The following PRDX3 variants were observed in gnomAD, a reference collection of about 807,000 sequenced individuals.
The protein encoded by PRDX3 is peroxiredoxin 3.
A neutral mutation model predicts 30.4 loss-of-function variants in PRDX3; 20 were observed. The observed-to-expected ratio is 0.66, with a 90% CI of 0.46 to 0.96. The LOEUF is 0.96. Ranked by LOEUF, PRDX3 falls within the 40% of genes least tolerant of loss-of-function variation. The pLI, the probability that PRDX3 is intolerant of heterozygous loss-of-function variation, is 0.00. For synonymous variants in PRDX3, 124 were observed against 117.8 expected (o/e 1.05, Z -0.34); for missense variants, 322 against 318.3 (o/e 1.01, Z -0.09).
chr10:119,174,535 G>C lies in PRDX3; in HGVS notation c.227C>G (p.Ala76Gly). The C allele has an allele frequency of 6.2e-7, 1 of 1,612,020 alleles. No individual in the cohort carries two copies. The highest frequency in any genetic ancestry group is 8.5e-7 in the Non-Finnish European group (1 of 1,179,440). The change falls in exon 3 of 7, where the codon GCC (alanine) becomes GGC (glycine). Residue 76 changes from alanine (A) to glycine (G), a missense_variant. Physicochemically the swap from Ala to Gly is moderately conservative, Grantham distance 60. Coordinates refer to ENST00000298510, the MANE Select transcript of PRDX3 (RefSeq NM_006793.5). ...GTCTTTGAACTCTCCATTGACAACG[G>C]CTGTACCCTTAAAATAGGGTGCATG... ...TQHAPYFKGT[A>G]VVNGEFKDLS...
intron 5 of PRDX3, chr10:119,169,855 A>G (rs1441918892): frequency 6.5e-6 from 1 of 152,708 alleles, no homozygotes; most frequent in Non-Finnish European, 1.5e-5. Context: ...TGCAAAACAG[A>G]AAACCATGCC....
intron 5 of PRDX3, among the ~76,000 whole-genome samples, chr10:119,171,181 C>CGT (rs1323286344): frequency 6.6e-6 from 1 of 152,014 alleles, no homozygotes; most frequent in Admixed American, 6.5e-5. Flanking sequence ...GCTGGGACTA[C>CGT]AGGCGCCCAC....
In PRDX3 at chr10:119,171,902, A is replaced by T. The variant is rs560102121; in HGVS notation, c.551+480T>A. Among the ~76,000 whole-genome samples, 3 of 152,276 alleles carry T rather than the reference A, an allele frequency of 2.0e-5. No homozygotes were observed. In the South Asian group the frequency reaches 6.2e-4, roughly 32 times the overall value. ...ACCCTGCTAGTCCCCCCTTCTGCAG[A>T]GTCTGATGGCTTCAATGTCAGGTGT... On this transcript the variant is annotated intron_variant, in intron 5 of 6. Transcript: ENST00000298510.
intron 4 of PRDX3, among the ~76,000 whole-genome samples, chr10:119,173,274 A>T (rs528086878): frequency 6.6e-6 from 1 of 152,122 alleles, no homozygotes; most frequent in South Asian, 2.1e-4. Flanking sequence ...TTTAAAGGCT[A>T]ATTTTCTCAA....
intron 4 of PRDX3, among the ~76,000 whole-genome samples, chr10:119,172,960 A>ATGGAGTCTCGCTCTGTCGCCCAGGC (rs1847943357): frequency 6.6e-6 from 1 of 151,900 alleles, no homozygotes; most frequent in Non-Finnish European, 1.5e-5. Context: ...TTATTTTGAG[A>ATGGAGTCTCGCTCTGTCGCCCAGGC]TGGAGTCTCG....
Position 119,174,037 on chromosome 10 carries a change from C to G in PRDX3, c.312-165G>C, listed in dbSNP as rs1272509965. 2.0e-5 allele frequency among the ~76,000 whole-genome samples: 3 copies of G among 152,250 alleles called. No homozygotes were observed. In the East Asian group the frequency reaches 5.8e-4, roughly 29 times the overall value. ...GCTGGCAAAAGTACTACTACCTCCC[C>G]TCACCTTTTTATTTTTAGGAATTGT... On this transcript the variant is annotated intron_variant, in intron 3 of 6. Transcript: ENST00000298510.
chr10:119,172,961 T>TG (rs1270135316), intron 4 of PRDX3, among the ~76,000 whole-genome samples: 2 of 151,996 alleles, frequency 1.3e-5, no homozygotes, highest in East Asian at 1.9e-4. Context: ...TATTTTGAGA[T>TG]GGAGTCTCGC....
At chr10:119,173,452 A>C (rs1370378135) in intron 4 of PRDX3, among the ~76,000 whole-genome samples, 2 of 152,074 alleles carry the variant, frequency 1.3e-5, no homozygotes, top group East Asian at 3.9e-4. Context: ...TCTACTAAAA[A>C]TACAAAATTA....
chr10:119,171,403 G>T (rs1429550908), intron 5 of PRDX3, among the ~76,000 whole-genome samples: 2 of 152,130 alleles, frequency 1.3e-5, no homozygotes, highest in African/African-American at 4.8e-5. Context: ...CATCAAAGGG[G>T]GATCCCCTCT....
intron 5 of PRDX3, 52 bp downstream of exon 5, chr10:119,172,330 A>G (rs1283902815): frequency 7.0e-7 from 1 of 1,429,910 alleles, no homozygotes; most frequent in Non-Finnish European, 9.9e-7. Flanking sequence ...AAGAAGCAGA[A>G]TGATACTAAA....
intron 5 of PRDX3, chr10:119,169,546 AC>A: frequency 2.0e-6 from 1 of 492,950 alleles, no homozygotes; most frequent in Non-Finnish European, 3.6e-6. Flanking sequence ...GCAGTACTGG[AC>A]CAGGTCACCA....
At position 119,168,414 on chromosome 10, in the gene PRDX3, T is replaced by C. The variant is rs1038072808; in HGVS notation, c.*66A>G. On this transcript the variant is annotated 3_prime_UTR_variant, in exon 7 of 7. Transcript: ENST00000298510. ...CTTCTACAAATAACCATCTTGAAAA[T>C]GATAAAAGCAGGTTTCAACTGTGGT... The C allele has an allele frequency of 2.0e-5, 32 of 1,605,394 alleles. No homozygotes were observed. The African/African-American group carries it at 3.9e-4, about 20-fold the overall frequency.
At chr10:119,174,697 T>C in intron 2 of PRDX3, 105 bp from the exon 3 acceptor site, 3 of 1,160,588 alleles carry the variant, frequency 2.6e-6, no homozygotes, top group Non-Finnish European at 3.5e-6. Flanking sequence ...AAGTGCTTAG[T>C]ATAAATCAAA....
chr10:119,177,104 G>A lies in PRDX3; in HGVS notation c.86C>T (p.Ala29Val), dbSNP rs200364399. ...TCTTCCACATGCAGCAGGCCTGAGG[G>A]CTGCAGTGGCAGAAATGCCCCAAGG... ...AIPWGISATA[A>V]LRPAACGRTS... The change falls in exon 2 of 7, where the codon GCC (alanine) becomes GTC (valine). Residue 29 changes from alanine (A) to valine (V), a missense_variant. Ala to Val is a moderately conservative substitution (Grantham distance 64). Transcript: ENST00000298510. 6.2e-7 allele frequency: 1 copy of A among 1,613,736 alleles called. No individual in the cohort carries two copies. The highest frequency in any genetic ancestry group is 8.5e-7 in the Non-Finnish European group (1 of 1,179,794).
chr10:119,178,143 G>A (rs980595600), intron 1 of PRDX3, among the ~76,000 whole-genome samples: 34 of 152,016 alleles, frequency 2.2e-4, no homozygotes, highest in African/African-American at 6.0e-4. Flanking sequence ...GATTACAGGC[G>A]TGAGCCACCG....
chr10:119,178,640 A>T, intron 1 of PRDX3, 115 bp downstream of exon 1: 1 of 1,312,920 alleles, frequency 7.6e-7, no homozygotes, highest in Non-Finnish European at 1.1e-6. Context: ...ACCCGCGGAA[A>T]CCCTCCAAGA....
At chr10:119,169,046 C>G (rs1847837693) in intron 6 of PRDX3, 131 bp downstream of exon 6, 1 of 939,080 alleles carries the variant, frequency 1.1e-6, no homozygotes, top group African/African-American at 1.7e-5. Flanking sequence ...TACCCCACAG[C>G]AGCTTCACCC....
In PRDX3 at chr10:119,168,425, G is replaced by C. The variant is rs1443934666; in HGVS notation, c.*55C>G. Reference sequence around the variant, plus strand: ...AACCATCTTGAAAATGATAAAAGCAGGTTTCAACTGTGGTTCTTCTCTCAG... The same window carrying C: ...AACCATCTTGAAAATGATAAAAGCACGTTTCAACTGTGGTTCTTCTCTCAG... On this transcript the variant is annotated 3_prime_UTR_variant, in exon 7 of 7. Transcript: ENST00000298510. 32 of 1,608,460 alleles carry C rather than the reference G, an allele frequency of 2.0e-5. No homozygotes were observed. The South Asian group carries it at 3.3e-4, about 17-fold the overall frequency.
At chr10:119,172,291 T>C in intron 5 of PRDX3, 91 bp downstream of exon 5, 1 of 1,142,108 alleles carries the variant, frequency 8.8e-7, no homozygotes, top group Non-Finnish European at 1.3e-6. Context: ...GTTTTAAAAA[T>C]GCTTTACCAA....
Sources: gnomAD v4.1 joint callset for allele counts (sites outside exome capture counted in the v4.1 genomes callset) on GRCh38, gnomAD v4.1.1 for gene constraint, MANE v1.5 for transcripts, NCBI Gene and HGNC (gene_info 2026-07-23, HGNC 2026-07-21) for gene names.